Variants in GSK3B observed in about 807,000 individuals in gnomAD.
GSK3B encodes the protein glycogen synthase kinase-3 beta.
In GSK3B, 15 loss-of-function variants were observed where a neutral mutation model predicts 56.4. That is an observed-to-expected ratio of 0.27 (90% CI 0.18 to 0.41). The LOEUF (loss-of-function observed/expected upper bound fraction) is 0.41. Among genes scored for constraint, GSK3B ranks in the 10% least tolerant of loss-of-function variants. GSK3B has a pLI of 1.00. For synonymous variants in GSK3B, 181 were observed against 188.9 expected (o/e 0.96, Z 0.34); for missense variants, 300 against 513.4 (o/e 0.58, Z 4.02).
chr3:119,899,686 A>G (rs1368503786), intron 7 of GSK3B, among the ~76,000 whole-genome samples: 2 of 152,152 alleles, frequency 1.3e-5, no homozygotes, highest in Non-Finnish European at 2.9e-5. Context: ...GTTTTTGTTT[A>G]CTAACAAAAA....
intron 2 of GSK3B, among the ~76,000 whole-genome samples, chr3:119,952,206 G>A (rs926877107): frequency 4.6e-5 from 7 of 151,984 alleles, no homozygotes; most frequent in Non-Finnish European, 7.4e-5. Flanking sequence ...TCAATGAACC[G>A]GCCAGGCACG....
intron 1 of GSK3B, among the ~76,000 whole-genome samples, chr3:120,092,511 C>T (rs1329070471): frequency 1.3e-5 from 2 of 152,128 alleles, no homozygotes; most frequent in African/African-American, 4.8e-5. Flanking sequence ...TGTAATGAGC[C>T]AGTGACAACA....
At position 119,969,899 on chromosome 3, in the gene GSK3B, G is replaced by A. The variant is rs961997494; in HGVS notation, c.283-22548C>T. ...TTGCCATCGTTCTGAGTAGCGTGGT[G>A]AAATCTCATGCCATCCCAGTCCCTC... On this transcript the variant is annotated intron_variant, in intron 2 of 10. Coordinates refer to ENST00000264235, the MANE Select transcript of GSK3B (RefSeq NM_001146156.2). Among the ~76,000 whole-genome samples, 15 of 152,290 alleles carry A rather than the reference G, an allele frequency of 9.8e-5. No individual in the cohort carries two copies. The South Asian group carries it at 3.1e-3, about 32-fold the overall frequency.
At chr3:119,894,146 C>T (rs1019516620) in intron 7 of GSK3B, among the ~76,000 whole-genome samples, 3 of 151,996 alleles carry the variant, frequency 2.0e-5, no homozygotes, top group Admixed American at 2.0e-4. Flanking sequence ...TGTGGCCTTT[C>T]GTGTGTGACA....
At position 120,093,328 on chromosome 3, in the gene GSK3B, A is replaced by C. The variant is rs200650028; in HGVS notation, c.88+19T>G. 8.1e-5 allele frequency: 125 copies of C among 1,542,464 alleles called. No individual in the cohort carries two copies. Among genetic ancestry groups the C allele is most frequent in the Non-Finnish European group, 1.1e-4 (124 of 1,115,512 alleles). ...AAGGGCGAGGTGGAAAAGGGGTGTA[A>C]AATAAAACCAATACTCACTGCTAAC... On this transcript the variant is annotated intron_variant, in intron 1 of 10. Coordinates refer to ENST00000264235, the MANE Select transcript of GSK3B (RefSeq NM_001146156.2).
At chr3:120,018,018 T>C (rs1310399090) in intron 1 of GSK3B, among the ~76,000 whole-genome samples, 1 of 152,194 alleles carries the variant, frequency 6.6e-6, no homozygotes, top group African/African-American at 2.4e-5. Context: ...AAAATTCATA[T>C]ATTTGACAGT....
At chr3:119,942,848 A>G (rs1434684772) in intron 3 of GSK3B, among the ~76,000 whole-genome samples, 1 of 152,036 alleles carries the variant, frequency 6.6e-6, no homozygotes, top group Non-Finnish European at 1.5e-5. Context: ...AAACACTCAA[A>G]TATCTCATTT....
chr3:120,016,600 C>T (rs773796805), intron 1 of GSK3B, among the ~76,000 whole-genome samples: 8 of 152,176 alleles, frequency 5.3e-5, no homozygotes, highest in Non-Finnish European at 8.8e-5. Context: ...AAACCTAAAA[C>T]TCCAAATATC....
At chr3:120,092,477 T>C (rs1184069105) in intron 1 of GSK3B, among the ~76,000 whole-genome samples, 3 of 152,198 alleles carry the variant, frequency 2.0e-5, no homozygotes, top group Non-Finnish European at 4.4e-5. Context: ...ATGAATGCAG[T>C]AGCACTCCAA....
chr3:120,042,511 A>C (rs1223904764), intron 1 of GSK3B, among the ~76,000 whole-genome samples: 1 of 152,236 alleles, frequency 6.6e-6, no homozygotes, highest in African/African-American at 2.4e-5. Context: ...TCCAGGCTTA[A>C]GACCATTCCA....
intron 1 of GSK3B, among the ~76,000 whole-genome samples, chr3:120,056,585 C>G (rs2058192886): frequency 6.6e-6 from 1 of 152,128 alleles, no homozygotes; most frequent in Admixed American, 6.5e-5. Context: ...AGTGATTGCC[C>G]CACCTTGGCC....
chr3:119,865,386 A>T (rs1162996748), intron 8 of GSK3B, among the ~76,000 whole-genome samples: 3 of 144,144 alleles, frequency 2.1e-5, no homozygotes, highest in Non-Finnish European at 4.5e-5. Flanking sequence ...TTATTTTCAA[A>T]GATTTTGTGT....
rs569959000 is a variant in GSK3B at position 119,974,260 on chromosome 3, C to G, written c.283-26909G>C. Among the ~76,000 whole-genome samples, 5 of 152,220 alleles carry G rather than the reference C, an allele frequency of 3.3e-5. No individual in the cohort carries two copies. In the South Asian group the frequency reaches 8.3e-4, roughly 25 times the overall value. ...TTCTTAAAACTCAACAATAAGAAAACCAACAACTCAATTAAAATTGGACAA... is the reference window on the plus strand; with the variant it reads ...TTCTTAAAACTCAACAATAAGAAAAGCAACAACTCAATTAAAATTGGACAA... On this transcript the variant is annotated intron_variant, in intron 2 of 10. Transcript: ENST00000264235.
chr3:120,079,288 C>A (rs2058394420), intron 1 of GSK3B, among the ~76,000 whole-genome samples: 1 of 131,452 alleles, frequency 7.6e-6, no homozygotes, highest in African/African-American at 2.9e-5. Context: ...TAATTTTCTA[C>A]AACCTTGACA....
rs887041269 is a variant in GSK3B at position 119,984,593 on chromosome 3, G to A, written c.282+17453C>T. On this transcript the variant is annotated intron_variant, in intron 2 of 10. Coordinates refer to ENST00000264235, the MANE Select transcript of GSK3B (RefSeq NM_001146156.2). ...CAGAGAATACTATAAACACCTCTATGCAAATAAACTAGAAAATCAAGAAGA... is the reference window on the plus strand; with the variant it reads ...CAGAGAATACTATAAACACCTCTATACAAATAAACTAGAAAATCAAGAAGA... 3.4e-4 allele frequency among the ~76,000 whole-genome samples: 52 copies of A among 152,162 alleles called. 1 individual carries two copies. Among genetic ancestry groups the A allele is most frequent in the Non-Finnish European group, 4.4e-5 (3 of 68,032 alleles).
rs192775099 is a variant in GSK3B at position 119,932,519 on chromosome 3, T to C, written c.367-9036A>G. 1.6e-4 allele frequency among the ~76,000 whole-genome samples: 25 copies of C among 151,572 alleles called. No individual in the cohort carries two copies. In the East Asian group the frequency reaches 4.6e-3, roughly 28 times the overall value. On this transcript the variant is annotated intron_variant, in intron 3 of 10. Coordinates refer to ENST00000264235, the MANE Select transcript of GSK3B (RefSeq NM_001146156.2). ...TTACCAAAGGGTTTTTTTTTTTTTTTAGAAAAATAATAAATGTGCCAGAAG... is the reference window on the plus strand; with the variant it reads ...TTACCAAAGGGTTTTTTTTTTTTTTCAGAAAAATAATAAATGTGCCAGAAG...
intron 1 of GSK3B, among the ~76,000 whole-genome samples, chr3:120,012,751 G>T (rs1189596398): frequency 6.6e-6 from 1 of 152,136 alleles, no homozygotes; most frequent in African/African-American, 2.4e-5. Context: ...CTCACTCACT[G>T]TAACACTGAA....
intron 4 of GSK3B, among the ~76,000 whole-genome samples, chr3:119,920,569 T>C (rs538503549): frequency 5.1e-4 from 78 of 152,248 alleles, no homozygotes; most frequent in African/African-American, 1.9e-3. Flanking sequence ...ACAGAGAAAT[T>C]TGATTGTTCA....
chr3:120,012,108 T>C (rs1181733113), intron 1 of GSK3B, among the ~76,000 whole-genome samples: 1 of 152,206 alleles, frequency 6.6e-6, no homozygotes, highest in Non-Finnish European at 1.5e-5. Context: ...CTCCTTAATA[T>C]CAACATCTAT....
Sources: allele counts gnomAD v4.1 joint callset (sites outside exome capture counted in the v4.1 genomes callset), GRCh38; gene constraint gnomAD v4.1.1; transcripts MANE v1.5; gene names NCBI Gene and HGNC (gene_info 2026-07-23, HGNC 2026-07-21).